FRK: variants seen among roughly 807,000 people sequenced by gnomAD.
FRK encodes tyrosine-protein kinase FRK.
Under a neutral mutation model 56.4 loss-of-function variants are expected in FRK, and 51 were observed. The ratio of observed to expected loss-of-function variants is 0.90; its 90% CI spans 0.72 to 1.14. FRK has a LOEUF of 1.14. FRK is among the 50% of genes most tolerant of loss of function. The probability of loss-of-function intolerance (pLI) is 0.00; values close to 1 mark genes in which losing one functional copy is unlikely to be tolerated. For synonymous variants in FRK, 245 were observed against 217.9 expected, an observed-to-expected ratio of 1.12 and a Z score of -1.10; for missense variants, 570 against 601.4, an observed-to-expected ratio of 0.95 and a Z score of 0.55.
chr6:116,044,973 T>C (rs888305016), intron 1 of FRK, among the ~76,000 whole-genome samples: 4 of 152,010 alleles, frequency 2.6e-5, no homozygotes, highest in African/African-American at 7.2e-5. Flanking sequence ...GAGTGAACTC[T>C]CATTCACAAT....
chr6:116,094,513 G>C, the FRK span, among the ~76,000 whole-genome samples: 8 of 152,342 alleles, frequency 5.3e-5, 1 homozygote, highest in Admixed American at 3.9e-4. Context: ...TAGTAAGTAT[G>C]CTTATCTAAT....
intron 1 of FRK, among the ~76,000 whole-genome samples, chr6:116,027,106 CA>C (rs1450459350): frequency 2.0e-5 from 3 of 152,108 alleles, no homozygotes; most frequent in Non-Finnish European, 4.4e-5. Flanking sequence ...TAGATGAATT[CA>C]AAGTAATTGT....
At chr6:116,026,319 T>C (rs983255175) in intron 1 of FRK, among the ~76,000 whole-genome samples, 10 of 152,174 alleles carry the variant, frequency 6.6e-5, no homozygotes, top group African/African-American at 2.4e-4. Context: ...TTTTGAACTT[T>C]AGAATCAAGA....
At position 115,966,090 on chromosome 6, in the gene FRK, A is replaced by G. The variant is rs6936657; in HGVS notation, c.799+1461T>C. Among the ~76,000 whole-genome samples the G allele has an allele frequency of 1.2e-3, 176 of 142,230 alleles. 1 individual carries two copies. Among genetic ancestry groups the G allele is most frequent in the Non-Finnish European group, 1.3e-3 (85 of 65,148 alleles). The allele number at this position is 142,230 out of a possible 152,430, so 93.3% of individuals were successfully genotyped here. On this transcript the variant is annotated intron_variant, in intron 4 of 7. Transcript: ENST00000606080. ...AAAAAAAAAGAAATACTTAAAAAAA[A>G]AAGAAGTATTTATCTTAACAATTTA...
rs568671632 is a variant in FRK, at chr6:116,044,409, G to A, written c.344+15559C>T. On this transcript the variant is annotated intron_variant, in intron 1 of 7. Transcript: ENST00000606080. The stretch of plus-strand genomic sequence containing the variant: ...CATAATCAAGTCGGTTTCATCCTTC[G>A]GATGCAAGGCTTACTCAACATATGC... Among the ~76,000 whole-genome samples, 71 of 152,256 alleles carry A rather than the reference G, an allele frequency of 4.7e-4. 1 individual carries two copies. Among genetic ancestry groups the A allele is most frequent in the African/African-American group, 1.5e-3 (61 of 41,558 alleles).
chr6:115,968,857 C>T, intron 2 of FRK, 118 bp from the exon 3 acceptor site: 1 of 836,896 alleles, frequency 1.2e-6, no homozygotes, highest in Non-Finnish European at 1.8e-6. Context: ...ATATGTGTTT[C>T]TCAACTTTGT....
chr6:116,004,904 G>A (rs1775195822), intron 1 of FRK, among the ~76,000 whole-genome samples: 2 of 152,008 alleles, frequency 1.3e-5, no homozygotes, highest in Admixed American at 1.3e-4. Context: ...AAGATTTTAG[G>A]TAAAACATTG....
In FRK at chr6:115,956,486, C is replaced by T. The variant is rs778809037; in HGVS notation, c.924G>A (p.Leu308=). 6 of 1,565,132 alleles carry T rather than the reference C, an allele frequency of 3.8e-6. No individual in the cohort carries two copies. The African/African-American group carries it at 6.8e-5, about 18-fold the overall frequency. Residue 308 remains leucine (L), a synonymous_variant, in exon 5 of 8, where the codon TTG becomes TTA. Transcript: ENST00000606080. ...LEDPIYIITE[L]MRHGSLQEYL... ...ATTCTTGCAGACTTCCATGTCTCAT[C>T]AACTCTGTAATAATATAAATTGGAT...
intron 6 of FRK, 59 bp from the exon 7 acceptor site, chr6:115,943,244 T>A: frequency 8.1e-7 from 1 of 1,240,230 alleles, no homozygotes; most frequent in Non-Finnish European, 1.1e-6. Context: ...TTTGCTAACC[T>A]CATTCATCTA....
intron 1 of FRK, among the ~76,000 whole-genome samples, chr6:116,042,879 G>A (rs1386779175): frequency 6.6e-6 from 1 of 151,892 alleles, no homozygotes; most frequent in Non-Finnish European, 1.5e-5. Context: ...CAAAACAAAG[G>A]AATGGGGGAA....
intron 4 of FRK, 69 bp downstream of exon 4, chr6:115,967,481 AG>A: frequency 6.9e-7 from 1 of 1,454,618 alleles, no homozygotes; most frequent in African/African-American, 1.4e-5. Flanking sequence ...ATGACCTCTT[AG>A]ATATTTACAG....
At chr6:115,956,056 C>A (rs149987377) in intron 5 of FRK, among the ~76,000 whole-genome samples, 1 of 152,282 alleles carries the variant, frequency 6.6e-6, no homozygotes, top group East Asian at 1.9e-4. Context: ...ACTTCCCTCC[C>A]TTTTTCCCCA....
At chr6:116,088,761 T>C in the FRK span, among the ~76,000 whole-genome samples, 13 of 152,280 alleles carry the variant, frequency 8.5e-5, no homozygotes, top group East Asian at 1.2e-3. Context: ...GAATGAATGA[T>C]TGATTGGTTT....
At chr6:116,098,802 G>A in the FRK span, among the ~76,000 whole-genome samples, 3 of 152,210 alleles carry the variant, frequency 2.0e-5, no homozygotes, top group Admixed American at 6.5e-5. Context: ...ATTAAACTGA[G>A]TGTTTGTATT....
intron 1 of FRK, among the ~76,000 whole-genome samples, chr6:116,057,660 A>G (rs62414107): frequency 0.022 from 3,281 of 152,318 alleles, 39 homozygotes; most frequent in Non-Finnish European, 0.035. Flanking sequence ...AAGGAAAGCT[A>G]ACTACAGAGA....
intron 2 of FRK, among the ~76,000 whole-genome samples, chr6:115,998,675 T>C (rs1660381141): frequency 6.6e-6 from 1 of 152,234 alleles, no homozygotes; most frequent in South Asian, 2.1e-4. Flanking sequence ...AATTCTTCTC[T>C]AGACTGAGTT....
intron 1 of FRK, among the ~76,000 whole-genome samples, chr6:116,049,997 C>A (rs1305344414): frequency 6.6e-6 from 1 of 152,134 alleles, no homozygotes; most frequent in South Asian, 2.1e-4. Flanking sequence ...TGTCTTCATT[C>A]ATGAGTTGAA....
At chr6:116,092,531 A>C in the FRK span, among the ~76,000 whole-genome samples, 1 of 152,216 alleles carries the variant, frequency 6.6e-6, no homozygotes, top group Admixed American at 6.5e-5. Flanking sequence ...CTAGGAGGAC[A>C]GGCAAAGGTG....
chr6:116,005,173 A>G (rs1346911324), intron 1 of FRK, among the ~76,000 whole-genome samples: 1 of 152,216 alleles, frequency 6.6e-6, no homozygotes, highest in Non-Finnish European at 1.5e-5. Context: ...GTGTTCGTTT[A>G]TCATTTCCCC....
Sources: gnomAD v4.1 joint callset for allele counts (sites outside exome capture counted in the v4.1 genomes callset) on GRCh38, gnomAD v4.1.1 for gene constraint, MANE v1.5 for transcripts, NCBI Gene and HGNC (gene_info 2026-07-23, HGNC 2026-07-21) for gene names.